Variants in BRINP3 observed in about 807,000 individuals in gnomAD.
The protein encoded by BRINP3 is BMP/retinoic acid inducible neural specific 3, also known as BMP/retinoic acid-inducible neural-specific protein 3.
In BRINP3, 19 loss-of-function variants were observed where a neutral mutation model predicts 71.0. The observed-to-expected ratio is 0.27, with a 90% CI of 0.19 to 0.39. The LOEUF is 0.39. Among genes scored for constraint, BRINP3 ranks in the 10% least tolerant of loss-of-function variants. BRINP3 has a pLI of 1.00. For missense variants in BRINP3, 959 were observed against 940.8 expected (o/e 1.02, Z -0.25); for synonymous variants, 380 against 337.7 (o/e 1.13, Z -1.37).
At chr1:190,248,759 C>A (rs1433898516) in intron 4 of BRINP3, among the ~76,000 whole-genome samples, 2 of 151,822 alleles carry the variant, frequency 1.3e-5, no homozygotes, top group African/African-American at 4.8e-5. Context: ...AACACACACA[C>A]ACACTCATAC....
chr1:190,424,217 A>C (rs1228182207), intron 2 of BRINP3, among the ~76,000 whole-genome samples: 1 of 151,628 alleles, frequency 6.6e-6, no homozygotes, highest in Non-Finnish European at 1.5e-5. Flanking sequence ...TCTACTGTGG[A>C]TATTACTTCA....
chr1:190,216,253 A>T (rs1558073670), intron 6 of BRINP3, among the ~76,000 whole-genome samples: 2 of 151,842 alleles, frequency 1.3e-5, no homozygotes, highest in Middle Eastern at 6.8e-3. Context: ...CAAAATTGTG[A>T]TCTTTGTCTA....
intron 6 of BRINP3, among the ~76,000 whole-genome samples, chr1:190,202,292 C>A (rs901710574): frequency 5.9e-5 from 9 of 152,124 alleles, no homozygotes; most frequent in African/African-American, 1.9e-4. Flanking sequence ...TTGTTTTGGC[C>A]AGTTTCTCCC....
At chr1:190,261,213 CTATT>C (rs1272221762) in intron 4 of BRINP3, among the ~76,000 whole-genome samples, 3 of 151,832 alleles carry the variant, frequency 2.0e-5, no homozygotes, top group South Asian at 2.1e-4. Context: ...GTTTATTAGA[CTATT>C]TAAAAATAAA....
rs940993758 is a variant in BRINP3, at chr1:190,412,308, C to T, written c.236+42347G>A. On this transcript the variant is annotated intron_variant, in intron 2 of 7. Coordinates refer to ENST00000367462, the MANE Select transcript of BRINP3 (RefSeq NM_199051.3). ...AAATATAGATTATTATTTCTACAAT[C>T]TTGTGATGAAGGAAATTTAAAAATC... Among the ~76,000 whole-genome samples the T allele has an allele frequency of 3.3e-5, 5 of 149,906 alleles. No individual in the cohort carries two copies. The Admixed American group carries it at 3.3e-4, about 10-fold the overall frequency.
chr1:190,200,646 T>G (rs1654918684), intron 6 of BRINP3, among the ~76,000 whole-genome samples: 1 of 152,068 alleles, frequency 6.6e-6, no homozygotes, highest in Non-Finnish European at 1.5e-5. Flanking sequence ...CACCCAAATC[T>G]CATCTTGTGG....
At chr1:190,281,096 T>A (rs1180589617) in intron 3 of BRINP3, among the ~76,000 whole-genome samples, 3 of 151,988 alleles carry the variant, frequency 2.0e-5, no homozygotes, top group African/African-American at 4.8e-5. Context: ...CATAATTATT[T>A]GTTTATCACT....
intron 1 of BRINP3, among the ~76,000 whole-genome samples, chr1:190,459,824 T>C (rs1017700258): frequency 4.6e-5 from 7 of 152,212 alleles, no homozygotes; most frequent in African/African-American, 1.7e-4. Context: ...TTTTGAATAA[T>C]GTAGAACCCA....
intron 7 of BRINP3, among the ~76,000 whole-genome samples, chr1:190,137,071 G>A (rs2102373557): frequency 6.6e-6 from 1 of 152,244 alleles, no homozygotes; most frequent in South Asian, 2.1e-4. Context: ...GTGTAGCTAT[G>A]TGTCTTGCTC....
intron 2 of BRINP3, among the ~76,000 whole-genome samples, chr1:190,312,192 C>A: frequency 6.7e-6 from 1 of 149,926 alleles, no homozygotes; most frequent in African/African-American, 2.4e-5. Context: ...GATGATCTTT[C>A]GTAAATTGCG....
chr1:190,398,560 C>G (rs1671728503), intron 2 of BRINP3, among the ~76,000 whole-genome samples: 1 of 151,740 alleles, frequency 6.6e-6, no homozygotes, highest in Non-Finnish European at 1.5e-5. Flanking sequence ...TCATATTATC[C>G]TTATGATTGC....
At chr1:190,233,218 G>A (rs577410681) in intron 5 of BRINP3, among the ~76,000 whole-genome samples, 5 of 152,008 alleles carry the variant, frequency 3.3e-5, no homozygotes, top group South Asian at 2.1e-4. Flanking sequence ...TGTGGACAGC[G>A]ATGTCCAGGC....
At chr1:190,426,197 A>T (rs1673695551) in intron 2 of BRINP3, among the ~76,000 whole-genome samples, 4 of 151,774 alleles carry the variant, frequency 2.6e-5, no homozygotes, top group African/African-American at 9.7e-5. Context: ...CTAAGTGAAG[A>T]AGTAAAATTT....
At chr1:190,351,360 A>G (rs970340617) in intron 2 of BRINP3, among the ~76,000 whole-genome samples, 12 of 152,150 alleles carry the variant, frequency 7.9e-5, no homozygotes, top group Admixed American at 7.2e-4. Flanking sequence ...CATTTTGCTT[A>G]CAATATAAAA....
At chr1:190,231,184 T>C (rs982250382) in intron 5 of BRINP3, among the ~76,000 whole-genome samples, 4 of 151,814 alleles carry the variant, frequency 2.6e-5, no homozygotes, top group African/African-American at 4.8e-5. Context: ...TAGGACTTTT[T>C]TTGTCTAGAG....
At chr1:190,145,780 C>T (rs908128467) in intron 7 of BRINP3, among the ~76,000 whole-genome samples, 5 of 151,986 alleles carry the variant, frequency 3.3e-5, no homozygotes, top group Non-Finnish European at 7.4e-5. Context: ...ACCTAACTGC[C>T]CATCAACCAA....
intron 2 of BRINP3, among the ~76,000 whole-genome samples, chr1:190,448,281 T>G (rs1675361629): frequency 6.6e-6 from 1 of 151,682 alleles, no homozygotes; most frequent in Non-Finnish European, 1.5e-5. Flanking sequence ...AAGGATATAT[T>G]TAATTTATTA....
In BRINP3 at chr1:190,236,895, C is replaced by T. The variant is rs146946111; in HGVS notation, c.619-2418G>A. 3.2e-4 allele frequency among the ~76,000 whole-genome samples: 49 copies of T among 151,964 alleles called. 1 individual carries two copies. The East Asian group carries it at 5.2e-3, about 16-fold the overall frequency. ...TCACATGAATATAAACACACACACGCCTGCCTTTTTTAGAAAGTTTTCTAA... is the reference window on the plus strand; with the variant it reads ...TCACATGAATATAAACACACACACGTCTGCCTTTTTTAGAAAGTTTTCTAA... On this transcript the variant is annotated intron_variant, in intron 4 of 7. Coordinates refer to ENST00000367462, the MANE Select transcript of BRINP3 (RefSeq NM_199051.3).
chr1:190,333,999 T>C (rs1257842814), intron 2 of BRINP3, among the ~76,000 whole-genome samples: 2 of 151,898 alleles, frequency 1.3e-5, no homozygotes, highest in East Asian at 1.9e-4. Flanking sequence ...TTGAGATGCA[T>C]TGCATCAAAA....
Sources: allele counts gnomAD v4.1 joint callset (sites outside exome capture counted in the v4.1 genomes callset), GRCh38; gene constraint gnomAD v4.1.1; transcripts MANE v1.5; gene names NCBI Gene and HGNC (gene_info 2026-07-23, HGNC 2026-07-21).